The following TFRC variants were observed in gnomAD, a reference collection of about 807,000 sequenced individuals.
TFRC encodes transferrin receptor, also known as transferrin receptor protein 1.
Under a neutral mutation model 85.8 loss-of-function variants are expected in TFRC, and 35 were observed. The observed-to-expected ratio is 0.41, with a 90% CI of 0.31 to 0.54. The LOEUF is 0.54. Ranked by LOEUF, TFRC falls within the 20% of genes least tolerant of loss-of-function variation. The pLI is 0.31. For missense variants in TFRC, 828 were observed against 921.5 expected, an observed-to-expected ratio of 0.90 and a Z score of 1.31; for synonymous variants, 362 against 328.6, an observed-to-expected ratio of 1.10 and a Z score of -1.10.
chr3:196,073,175 G>A (rs1020935836), intron 4 of TFRC, among the ~76,000 whole-genome samples: 5 of 151,472 alleles, frequency 3.3e-5, no homozygotes, highest in Non-Finnish European at 7.4e-5. Context: ...AGCTGAAATC[G>A]TGCCACTGCA....
chr3:196,080,104 G>C (rs900961890), intron 1 of TFRC, among the ~76,000 whole-genome samples: 1 of 152,102 alleles, frequency 6.6e-6, no homozygotes, highest in Non-Finnish European at 1.5e-5. Flanking sequence ...TTAGTAGGGA[G>C]TTTTTTTGTT....
intron 13 of TFRC, among the ~76,000 whole-genome samples, chr3:196,060,859 A>AGAGAAAG (rs1383379315): frequency 1.3e-5 from 2 of 150,960 alleles, no homozygotes; most frequent in Non-Finnish European, 3.0e-5. Flanking sequence ...AGCAAAATTA[A>AGAGAAAG]GAGAAAGGTA....
At chr3:196,052,598 G>A (rs1222046577) in intron 18 of TFRC, among the ~76,000 whole-genome samples, 1 of 151,784 alleles carries the variant, frequency 6.6e-6, no homozygotes, top group Non-Finnish European at 1.5e-5. Context: ...GCACCACCAC[G>A]CCCAGCTAAT....
rs377518331 is a variant in TFRC at position 196,061,090 on chromosome 3, C to T, written c.1469-843G>A. Among the ~76,000 whole-genome samples, 7 of 152,320 alleles carry T rather than the reference C, an allele frequency of 4.6e-5. No homozygotes were observed. In the East Asian group the frequency reaches 1.2e-3, roughly 25 times the overall value. ...CCCCATGTAGACATTTCACTATTCT[C>T]AGCTCATCAGCTACATCTGCACTTT... On this transcript the variant is annotated intron_variant, in intron 13 of 18. Transcript: ENST00000360110.
At position 196,062,573 on chromosome 3, in the gene TFRC, G is replaced by T; in HGVS notation, c.1468+9C>A. 6.2e-7 allele frequency: 1 copy of T among 1,602,484 alleles called. No individual in the cohort carries two copies. Among genetic ancestry groups the T allele is most frequent in the Non-Finnish European group, 8.5e-7 (1 of 1,175,968 alleles). On this transcript the variant is annotated intron_variant, in intron 13 of 18. Coordinates refer to ENST00000360110, the MANE Select transcript of TFRC (RefSeq NM_001128148.3). ...GAATTCATACACAGCTAATGAAAGGGATACTTACCAAGAACCGCTTTATCC... is the reference window on the plus strand; with the variant it reads ...GAATTCATACACAGCTAATGAAAGGTATACTTACCAAGAACCGCTTTATCC...
chr3:196,060,300 A>G (rs2108641318), intron 13 of TFRC, 53 bp from the exon 14 acceptor site: 1 of 1,436,124 alleles, frequency 7.0e-7, no homozygotes, highest in Non-Finnish European at 9.8e-7. Flanking sequence ...TAATTTTCAC[A>G]CTGCTACTTC....
chr3:196,062,510 G>T, intron 13 of TFRC, 72 bp downstream of exon 13: 3 of 1,381,010 alleles, frequency 2.2e-6, no homozygotes, highest in Non-Finnish European at 3.1e-6. Flanking sequence ...TCCAGCCTGG[G>T]CGACAAGAGC....
At chr3:196,058,018 C>T (rs1478601079) in intron 16 of TFRC, 4 of 271,080 alleles carry the variant, frequency 1.5e-5, no homozygotes, top group Admixed American at 5.1e-5. Context: ...AAACTTCTCT[C>T]GTGAGAAAAT....
At chr3:196,058,224 T>C in intron 16 of TFRC, 60 bp downstream of exon 16, 3 of 1,421,694 alleles carry the variant, frequency 2.1e-6, no homozygotes, top group Non-Finnish European at 3.0e-6. Flanking sequence ...TATTCCCAAA[T>C]ACAGATCACT....
intron 1 of TFRC, among the ~76,000 whole-genome samples, chr3:196,077,943 G>C (rs1577257532): frequency 6.6e-6 from 1 of 152,144 alleles, no homozygotes; most frequent in Non-Finnish European, 1.5e-5. Flanking sequence ...AGATTACGCT[G>C]TTTTACAGAT....
chr3:196,065,435 G>GGGGTGGT lies in TFRC; in HGVS notation c.1198+7_1198+8insACCACCC. 1 of 655,716 alleles carries GGGGTGGT rather than the reference G, an allele frequency of 1.5e-6. No homozygotes were observed. The highest frequency in any genetic ancestry group is 2.2e-6 in the Non-Finnish European group (1 of 463,140). 40.6% of individuals were successfully genotyped at this position (655,716 alleles called of 1,614,324 possible). Reference sequence around the variant, plus strand: ...AGCGGGGCGGGGGGGGGGGGGGGCGGTCTTTACCTGGTTCTACAAAGCCTT... The same window carrying GGGGTGGT: ...AGCGGGGCGGGGGGGGGGGGGGGCGGGGGTGGTTCTTTACCTGGTTCTACAAAGCCTT... On this transcript the variant is annotated splice_region_variant and intron_variant, in intron 10 of 18. Coordinates refer to ENST00000360110, the MANE Select transcript of TFRC (RefSeq NM_001128148.3).
chr3:196,078,136 T>TA (rs748260901), intron 1 of TFRC, among the ~76,000 whole-genome samples: 1 of 152,200 alleles, frequency 6.6e-6, no homozygotes, highest in Non-Finnish European at 1.5e-5. Context: ...TAAGTTAAGT[T>TA]AAAGGCCTTA....
Position 196,068,927 on chromosome 3 carries a change from CAAAAA to C in TFRC, c.801+523_801+527del, listed in dbSNP as rs55642820. Among the ~76,000 whole-genome samples the C allele has an allele frequency of 1.4e-4, 12 of 85,270 alleles. No homozygotes were observed. In the South Asian group the frequency reaches 3.0e-3, roughly 21 times the overall value. 55.9% of individuals were successfully genotyped at this position (85,270 alleles called of 152,430 possible). Reference sequence around the variant, plus strand: ...GCCAGGGTGACAAGAGACTCCGTCTCAAAAAAAAAAAAAAAAAAGAAAAGAAAAAT... The same window carrying C: ...GCCAGGGTGACAAGAGACTCCGTCTCAAAAAAAAAAAAAGAAAAGAAAAAT... On this transcript the variant is annotated intron_variant, in intron 7 of 18. Transcript: ENST00000360110.
intron 13 of TFRC, 45 bp downstream of exon 13, chr3:196,062,537 A>G (rs772534610): frequency 1.3e-6 from 2 of 1,563,852 alleles, no homozygotes; most frequent in Middle Eastern, 1.7e-4. Context: ...CCATCTCAAA[A>G]AAGTTTACCT....
At chr3:196,058,696 T>A (rs1359444960) in intron 14 of TFRC, 64 bp from the exon 15 acceptor site, 1 of 1,158,262 alleles carries the variant, frequency 8.6e-7, no homozygotes, top group African/African-American at 1.5e-5. Flanking sequence ...GGCTAGTCAC[T>A]AACATGTTAC....
intron 2 of TFRC, 35 bp from the exon 3 acceptor site, chr3:196,075,395 C>A: frequency 2.5e-6 from 4 of 1,607,094 alleles, no homozygotes; most frequent in Non-Finnish European, 3.4e-6. Context: ...GAAGAACAGG[C>A]ACGGGAATGT....
chr3:196,077,186 T>C, intron 1 of TFRC, 64 bp from the exon 2 acceptor site: 1 of 1,152,874 alleles, frequency 8.7e-7, no homozygotes, highest in Non-Finnish European at 1.3e-6. Context: ...GAGCTTTCTA[T>C]TACCAGGCTA....
chr3:196,061,663 T>C (rs1560074261), intron 13 of TFRC, among the ~76,000 whole-genome samples: 1 of 152,146 alleles, frequency 6.6e-6, no homozygotes, highest in Non-Finnish European at 1.5e-5. Context: ...CTAATTTTGG[T>C]ATTTTTAGTA....
At position 196,049,449 on chromosome 3, in the gene TFRC, G is replaced by C. The variant is rs1044143851; in HGVS notation, c.*2493C>G. The C allele has an allele frequency of 4.6e-6, 1 of 215,694 alleles. No homozygotes were observed. The highest frequency in any genetic ancestry group is 5.8e-5 in the Admixed American group (1 of 17,130). 13.4% of individuals were successfully genotyped at this position (215,694 alleles called of 1,614,324 possible). ...TAAAGGTCATGCAAGTTCTAGAATAGTGAATCATGACAGAACTCATTCATT... is the reference window on the plus strand; with the variant it reads ...TAAAGGTCATGCAAGTTCTAGAATACTGAATCATGACAGAACTCATTCATT... On this transcript the variant is annotated 3_prime_UTR_variant, in exon 19 of 19. Transcript: ENST00000360110.
Sources: gnomAD v4.1 joint callset for allele counts (sites outside exome capture counted in the v4.1 genomes callset) on GRCh38, gnomAD v4.1.1 for gene constraint, MANE v1.5 for transcripts, NCBI Gene and HGNC (gene_info 2026-07-23, HGNC 2026-07-21) for gene names.